The following TRPC4 variants were observed in gnomAD, a reference collection of about 807,000 sequenced individuals.
TRPC4 encodes short transient receptor potential channel 4.
Under a neutral mutation model 99.4 loss-of-function variants are expected in TRPC4, and 49 were observed. The observed-to-expected ratio is 0.49, with a 90% CI of 0.39 to 0.63. TRPC4 has a LOEUF of 0.63. Ranked by LOEUF, TRPC4 falls within the 20% of genes least tolerant of loss-of-function variation. The pLI is 0.00. For synonymous variants in TRPC4, 454 were observed against 425.9 expected, an observed-to-expected ratio of 1.07 and a Z score of -0.81; for missense variants, 898 against 1,152.9, an observed-to-expected ratio of 0.78 and a Z score of 3.20.
chr13:37,757,211 G>T (rs1956119982), intron 2 of TRPC4, among the ~76,000 whole-genome samples: 1 of 151,992 alleles, frequency 6.6e-6, no homozygotes, highest in Admixed American at 6.6e-5. Flanking sequence ...GTGTAATAGT[G>T]ATACGATAGG....
chr13:37,691,871 T>G, intron 4 of TRPC4, 128 bp downstream of exon 4: 2 of 911,644 alleles, frequency 2.2e-6, no homozygotes, highest in Non-Finnish European at 3.2e-6. Flanking sequence ...GTGAGGTTCT[T>G]GGAGCTACAA....
At chr13:37,803,053 T>C (rs1458529322) in intron 1 of TRPC4, among the ~76,000 whole-genome samples, 1 of 152,110 alleles carries the variant, frequency 6.6e-6, no homozygotes, top group African/African-American at 2.4e-5. Context: ...AACCTGATAC[T>C]ATTATTGTTT....
At position 37,757,712 on chromosome 13, in the gene TRPC4, G is replaced by T. The variant is rs560522595; in HGVS notation, c.379-11257C>A. On this transcript the variant is annotated intron_variant, in intron 2 of 10. Transcript: ENST00000379705. ...TGGAGATCTGGGGAAAGATCCAGAA[G>T]ATCTAAAATGTAAATAAAAGTTACT... is the stretch of plus-strand genomic sequence containing the variant. 2.0e-5 allele frequency among the ~76,000 whole-genome samples: 3 copies of T among 151,872 alleles called. No individual in the cohort carries two copies. The East Asian group carries it at 5.8e-4, about 30-fold the overall frequency.
intron 1 of TRPC4, among the ~76,000 whole-genome samples, chr13:37,824,647 T>C (rs1022049856): frequency 1.6e-4 from 25 of 152,068 alleles, no homozygotes; most frequent in Non-Finnish European, 3.7e-4. Context: ...TGGATAAGCT[T>C]TTTGATGTGC....
chr13:37,800,637 T>A (rs962278660), intron 1 of TRPC4, among the ~76,000 whole-genome samples: 25 of 152,102 alleles, frequency 1.6e-4, no homozygotes, highest in African/African-American at 6.0e-4. Context: ...TAGGTATATG[T>A]AGATAGCTGT....
intron 1 of TRPC4, among the ~76,000 whole-genome samples, chr13:37,859,994 T>C (rs913550349): frequency 6.6e-6 from 1 of 150,758 alleles, no homozygotes; most frequent in Non-Finnish European, 1.5e-5. Context: ...GTATTTCAAC[T>C]TACTTTAGGG....
intron 3 of TRPC4, among the ~76,000 whole-genome samples, chr13:37,714,866 A>AT (rs1485691697): frequency 6.6e-6 from 1 of 152,106 alleles, no homozygotes; most frequent in Non-Finnish European, 1.5e-5. Flanking sequence ...TTGAGCCATT[A>AT]TTTTTTATAA....
intron 3 of TRPC4, among the ~76,000 whole-genome samples, chr13:37,714,613 C>T (rs1268964290): frequency 6.6e-6 from 1 of 152,162 alleles, no homozygotes; most frequent in Non-Finnish European, 1.5e-5. Context: ...CTCACCTCTG[C>T]CTACTACTCT....
chr13:37,833,221 T>C (rs966133066), intron 1 of TRPC4, among the ~76,000 whole-genome samples: 3 of 152,162 alleles, frequency 2.0e-5, no homozygotes, highest in African/African-American at 7.2e-5. Context: ...TTTCTGCCAA[T>C]TTTTTCTGAT....
At chr13:37,801,835 T>G (rs1957411718) in intron 1 of TRPC4, among the ~76,000 whole-genome samples, 1 of 152,062 alleles carries the variant, frequency 6.6e-6, no homozygotes, top group African/African-American at 2.4e-5. Context: ...AGCTGGATTT[T>G]GAAGGATGAA....
intron 3 of TRPC4, among the ~76,000 whole-genome samples, chr13:37,745,006 G>A: frequency 6.6e-6 from 1 of 152,090 alleles, no homozygotes; most frequent in East Asian, 1.9e-4. Flanking sequence ...TCAAAAAAAT[G>A]AGCAAGATAT....
chr13:37,649,211 T>A (rs939663087), intron 8 of TRPC4, among the ~76,000 whole-genome samples: 2 of 152,148 alleles, frequency 1.3e-5, no homozygotes, highest in African/African-American at 4.8e-5. Context: ...TCTTGTCCTG[T>A]TTACCTCAAG....
intron 1 of TRPC4, among the ~76,000 whole-genome samples, chr13:37,842,343 C>CAAAAAAAAAAAAA (rs57428116): frequency 1.3e-4 from 2 of 15,644 alleles, no homozygotes; most frequent in East Asian, 2.2e-3. Flanking sequence ...AGCGTCTAGC[C>CAAAAAAAAAAAAA]AAAAAAAAAA....
chr13:37,757,968 C>T (rs1031515028), intron 2 of TRPC4, among the ~76,000 whole-genome samples: 1 of 151,892 alleles, frequency 6.6e-6, no homozygotes, highest in African/African-American at 2.4e-5. Flanking sequence ...TTTACTGAGT[C>T]TCTTAGGTAC....
chr13:37,711,317 T>C (rs1954478063), intron 3 of TRPC4, among the ~76,000 whole-genome samples: 1 of 152,020 alleles, frequency 6.6e-6, no homozygotes, highest in Non-Finnish European at 1.5e-5. Context: ...AGAACTTCTC[T>C]GCAACATTTT....
At chr13:37,793,669 A>G (rs1957176542) in intron 1 of TRPC4, among the ~76,000 whole-genome samples, 1 of 152,110 alleles carries the variant, frequency 6.6e-6, no homozygotes, top group African/African-American at 2.4e-5. Context: ...AAGCTTAGAA[A>G]TCTACCAATA....
At chr13:37,821,320 C>T (rs919175727) in intron 1 of TRPC4, among the ~76,000 whole-genome samples, 5 of 151,620 alleles carry the variant, frequency 3.3e-5, no homozygotes, top group African/African-American at 1.2e-4. Flanking sequence ...AGAGATGACA[C>T]AAATGAATGG....
At chr13:37,706,294 A>C (rs2138960314) in intron 3 of TRPC4, among the ~76,000 whole-genome samples, 1 of 152,266 alleles carries the variant, frequency 6.6e-6, no homozygotes, top group Middle Eastern at 3.4e-3. Flanking sequence ...AGTAACCTCA[A>C]CAACAAGGAC....
intron 6 of TRPC4, among the ~76,000 whole-genome samples, chr13:37,662,279 C>T (rs573338023): frequency 8.8e-4 from 134 of 151,686 alleles, no homozygotes; most frequent in African/African-American, 3.1e-3. Context: ...CACTGCACTC[C>T]AGCCTGGGCG....
Sources: allele counts gnomAD v4.1 joint callset (sites outside exome capture counted in the v4.1 genomes callset), GRCh38; gene constraint gnomAD v4.1.1; transcripts MANE v1.5; gene names NCBI Gene and HGNC (gene_info 2026-07-23, HGNC 2026-07-21).